Variants in PRR12 observed in about 807,000 individuals in gnomAD.
The protein encoded by PRR12 is proline-rich protein 12.
A neutral mutation model predicts 138.0 loss-of-function variants in PRR12; 12 were observed. The observed-to-expected ratio is 0.09, with a 90% CI of 0.06 to 0.14. The LOEUF is 0.14. Among genes scored for constraint, PRR12 ranks in the 10% least tolerant of loss-of-function variants. The pLI is 1.00. For missense variants in PRR12, 2,692 were observed against 2,861.3 expected, an observed-to-expected ratio of 0.94 and a Z score of 1.35; for synonymous variants, 1,567 against 1,291.7, an observed-to-expected ratio of 1.21 and a Z score of -4.57.
At position 49,598,236 on chromosome 19, in the gene PRR12, GC is replaced by G. The variant is rs1005096174; in HGVS notation, c.3678+224del. ...CTACAGTTGCCCGCCACCACGCCCG[GC>G]TAGTTTTTTTGTATTTTTAGTAGAG... On this transcript the variant is annotated intron_variant, in intron 4 of 13. Coordinates refer to ENST00000418929, the MANE Select transcript of PRR12 (RefSeq NM_020719.3). Among the ~76,000 whole-genome samples the G allele has an allele frequency of 3.3e-5, 5 of 151,498 alleles. No individual in the cohort carries two copies. The East Asian group carries it at 7.7e-4, about 23-fold the overall frequency.
intron 8 of PRR12, among the ~76,000 whole-genome samples, chr19:49,615,304 A>G (rs2080886100): frequency 6.6e-6 from 1 of 151,524 alleles, no homozygotes; most frequent in South Asian, 2.1e-4. Context: ...AGAAGGAGAC[A>G]GAGACCCAGA....
intron 11 of PRR12, 112 bp from the exon 12 acceptor site, chr19:49,624,732 T>C: frequency 6.9e-7 from 1 of 1,456,946 alleles, no homozygotes; most frequent in Non-Finnish European, 9.1e-7. Context: ...TCTAGTTGTC[T>C]CTCCTGATCT....
chr19:49,613,435 T>A (rs1053902576), intron 6 of PRR12, among the ~76,000 whole-genome samples: 7 of 152,094 alleles, frequency 4.6e-5, no homozygotes, highest in African/African-American at 1.7e-4. Context: ...ATTTCTTGTG[T>A]CCATATTTCG....
In PRR12 at chr19:49,594,559, C is replaced by G; in HGVS notation, c.305C>G (p.Pro102Arg). Reference protein sequence around the residue: ...ISALESRGPQPGPSASSLLSQ... With the variant: ...ISALESRGPQRGPSASSLLSQ... ...GCCCTGGAATCCCGGGGCCCCCAGC[C>G]TGGCCCCTCCGCCTCCTCTCTCCTC... is the stretch of plus-strand genomic sequence containing the variant. Residue 102 changes from proline to arginine, a missense_variant, in exon 3 of 14, where the codon CCT (proline) becomes CGT (arginine). Around this residue, in one of 11 missense-constraint regions of PRR12, gnomAD observed 211 missense variants for 266.3 expected, o/e 0.79. Coordinates refer to ENST00000418929, the MANE Select transcript of PRR12 (RefSeq NM_020719.3). The surrounding 1 kb of genome is among the most constrained non-coding windows in gnomAD (Gnocchi z 5.6). 1 of 1,613,108 alleles carries G rather than the reference C, an allele frequency of 6.2e-7. No homozygotes were observed. Among genetic ancestry groups the G allele is most frequent in the East Asian group, 2.2e-5 (1 of 44,872 alleles).
rs532815810 is a variant in PRR12, at chr19:49,598,114, T to C, written c.3678+101T>C. ...TTTGAGACAGAGTCTCGCTCTGTCG[T>C]CCAGGCTGGAGTGCAGTGGCACGAT... On this transcript the variant is annotated intron_variant, in intron 4 of 13. Coordinates refer to ENST00000418929, the MANE Select transcript of PRR12 (RefSeq NM_020719.3). 484 of 1,213,270 alleles carry C rather than the reference T, an allele frequency of 4.0e-4. 1 individual carries two copies. In the African/African-American group the frequency reaches 4.2e-3, roughly 10 times the overall value. 75.2% of individuals were successfully genotyped at this position (1,213,270 alleles called of 1,614,324 possible).
At position 49,594,630 on chromosome 19, in the gene PRR12, G is replaced by T. The variant is rs750863358; in HGVS notation, c.361+15G>T. 1 of 1,610,966 alleles carries T rather than the reference G, an allele frequency of 6.2e-7. No homozygotes were observed. Among genetic ancestry groups the T allele is most frequent in the African/African-American group, 1.3e-5 (1 of 74,828 alleles). On this transcript the variant is annotated intron_variant, in intron 3 of 13. Transcript: ENST00000418929. This position sits in a 1 kb window ranked among gnomAD's most constrained non-coding sequence, Gnocchi z 5.6. ...CTGGCAAACAGGTAAGCCCAGCGCCGGCCCTGCAGGGCCAGGGTGGGACTG... is the reference window on the plus strand; with the variant it reads ...CTGGCAAACAGGTAAGCCCAGCGCCTGCCCTGCAGGGCCAGGGTGGGACTG...
chr19:49,603,311 C>T (rs543224536), intron 6 of PRR12, among the ~76,000 whole-genome samples: 2 of 152,352 alleles, frequency 1.3e-5, no homozygotes, highest in East Asian at 1.9e-4. Context: ...GGCATGGACG[C>T]CAAGGCCATT....
Position 49,596,126 on chromosome 19 carries a change from G to A in PRR12, c.1791G>A (p.Ala597=), listed in dbSNP as rs528284225. ...GKYLSSVLAS[A]PFLAPPGAGS... ...ACCTGAGCTCAGTCTTGGCCTCAGC[G>A]CCTTTCCTGGCACCTCCGGGAGCTG... Residue 597 remains alanine, a synonymous_variant, in exon 4 of 14, where the codon GCG becomes GCA. Coordinates refer to ENST00000418929, the MANE Select transcript of PRR12 (RefSeq NM_020719.3). This position sits in a 1 kb window ranked among gnomAD's most constrained non-coding sequence, Gnocchi z 5.6. 2.4e-5 allele frequency: 38 copies of A among 1,604,534 alleles called. No homozygotes were observed. Among genetic ancestry groups the A allele is most frequent in the Middle Eastern group, 1.7e-4 (1 of 6,060 alleles).
At chr19:49,608,113 T>C (rs1409546743) in intron 6 of PRR12, among the ~76,000 whole-genome samples, 2 of 152,196 alleles carry the variant, frequency 1.3e-5, no homozygotes, top group Non-Finnish European at 2.9e-5. Context: ...CATTCTTTTT[T>C]GCATACCAAG....
chr19:49,618,959 C>T (rs1288306211), intron 9 of PRR12, among the ~76,000 whole-genome samples: 1 of 152,012 alleles, frequency 6.6e-6, no homozygotes, highest in Non-Finnish European at 1.5e-5. Flanking sequence ...CTCCCTAGTA[C>T]CCACCAGAAA....
At position 49,594,224 on chromosome 19, in the gene PRR12, C is replaced by T. The variant is rs1020092086; in HGVS notation, c.200-230C>T. 6.6e-6 allele frequency among the ~76,000 whole-genome samples: 1 copy of T among 152,150 alleles called. No homozygotes were observed. The highest frequency in any genetic ancestry group is 1.5e-5 in the Non-Finnish European group (1 of 68,022). On this transcript the variant is annotated intron_variant, in intron 2 of 13. Transcript: ENST00000418929. The surrounding 1 kb of genome is among the most constrained non-coding windows in gnomAD (Gnocchi z 5.6). Reference sequence around the variant, plus strand: ...CCATTTCCTACCTGGGCCCCCTGTCCTTATGACTGGATTGCCCCTTGTCTT... The same window carrying T: ...CCATTTCCTACCTGGGCCCCCTGTCTTTATGACTGGATTGCCCCTTGTCTT...
Position 49,601,888 on chromosome 19 carries a change from C to T in PRR12, c.4743C>T (p.Val1581=). 6.2e-7 allele frequency: 1 copy of T among 1,612,262 alleles called. No homozygotes were observed. Among genetic ancestry groups the T allele is most frequent in the Non-Finnish European group, 8.5e-7 (1 of 1,179,852 alleles). ...EGIFRERDEF[V]IRAEDIPSLK... ...TCTTCCGGGAACGGGACGAGTTCGTCATCCGTGCTGAGGACATCCCTTCCC... is the reference window on the plus strand; with the variant it reads ...TCTTCCGGGAACGGGACGAGTTCGTTATCCGTGCTGAGGACATCCCTTCCC... Residue 1581 remains valine, a synonymous_variant, in exon 6 of 14, where the codon GTC becomes GTT. Coordinates refer to ENST00000418929, the MANE Select transcript of PRR12 (RefSeq NM_020719.3).
chr19:49,598,345 A>T (rs1049340217), intron 4 of PRR12, among the ~76,000 whole-genome samples: 3 of 152,014 alleles, frequency 2.0e-5, no homozygotes, highest in African/African-American at 2.4e-5. Context: ...AAGTGCTGGG[A>T]TTACAGACCT....
At chr19:49,591,790 AGCCGG>A (rs146415405) in intron 1 of PRR12, 50 bp downstream of exon 1, 196,761 of 1,069,264 alleles carry the variant, frequency 0.18, 29,272 homozygotes, top group African/African-American at 0.56. Flanking sequence ...GTGGGAGCCC[AGCCGG>A]GCCGGGCCGG....
At chr19:49,592,566 C>T (rs969202205) in intron 1 of PRR12, among the ~76,000 whole-genome samples, 1 of 152,058 alleles carries the variant, frequency 6.6e-6, no homozygotes, top group Non-Finnish European at 1.5e-5. Context: ...CCAGCACCTC[C>T]CCCCCAACAC....
intron 1 of PRR12, among the ~76,000 whole-genome samples, chr19:49,591,952 G>C (rs2080730913): frequency 6.6e-6 from 1 of 152,192 alleles, no homozygotes; most frequent in Non-Finnish European, 1.5e-5. Flanking sequence ...TGCAAAGGGA[G>C]AATTGCAGCG....
At position 49,591,296 on chromosome 19, in the gene PRR12, G is replaced by A. The variant is rs1185530739; in HGVS notation, c.-359G>A. Among the ~76,000 whole-genome samples the A allele has an allele frequency of 6.6e-6, 1 of 150,464 alleles. No individual in the cohort carries two copies. On this transcript the variant is annotated 5_prime_UTR_variant, in exon 1 of 14. Transcript: ENST00000418929. ...ACCCAGCGCCTGCACCCACCCCGGG[G>A]CCGCCCGGGACGCCCCCTCCCGAGC...
chr19:49,596,740 T>A lies in PRR12; in HGVS notation c.2405T>A (p.Leu802His), dbSNP rs1426875771. Residue 802 changes from leucine to histidine, a missense_variant, in exon 4 of 14, where the codon CTC becomes CAC. Physicochemically the swap from Leu to His is moderately conservative, Grantham distance 99. Transcript: ENST00000418929. This position sits in a 1 kb window ranked among gnomAD's most constrained non-coding sequence, Gnocchi z 5.6. ...LVLPPPPPQL[L>H]PSVLSHAPSP... The stretch of plus-strand genomic sequence containing the variant: ...CTGCCTCCGCCTCCCCCCCAGCTGC[T>A]CCCCTCGGTCCTCAGCCATGCCCCC... The A allele has an allele frequency of 6.3e-7, 1 of 1,594,004 alleles. No individual in the cohort carries two copies. Among genetic ancestry groups the A allele is most frequent in the East Asian group, 2.2e-5 (1 of 44,562 alleles).
Position 49,597,758 on chromosome 19 carries a change from C to T in PRR12, c.3423C>T (p.Asp1141=), listed in dbSNP as rs1203904878. ...CCCTCTCGCCACTGGGGGACATCGACTTCTGCCCACCCAACCCAGGACCCG... is the reference window on the plus strand; with the variant it reads ...CCCTCTCGCCACTGGGGGACATCGATTTCTGCCCACCCAACCCAGGACCCG... The part of the protein sequence containing the change: ...RPALSPLGDI[D]FCPPNPGPDG... Residue 1141 remains aspartate, a synonymous_variant, in exon 4 of 14, where the codon GAC becomes GAT. Coordinates refer to ENST00000418929, the MANE Select transcript of PRR12 (RefSeq NM_020719.3). The surrounding 1 kb of genome is among the most constrained non-coding windows in gnomAD (Gnocchi z 6.3). 3 of 1,606,134 alleles carry T rather than the reference C, an allele frequency of 1.9e-6. No individual in the cohort carries two copies. Among genetic ancestry groups the T allele is most frequent in the Non-Finnish European group, 2.5e-6 (3 of 1,177,102 alleles).
Sources: allele counts gnomAD v4.1 joint callset (sites outside exome capture counted in the v4.1 genomes callset), GRCh38; gene constraint gnomAD v4.1.1; regional missense constraint gnomAD v4.1.1; non-coding constraint Gnocchi (gnomAD v3.1); transcripts MANE v1.5; gene names NCBI Gene and HGNC (gene_info 2026-07-23, HGNC 2026-07-21).